Variants in SETBP1 observed in about 807,000 individuals in gnomAD.
The protein encoded by SETBP1 is SET-binding protein.
SETBP1 carries 9 observed loss-of-function variants against 101.0 expected under a neutral mutation model. The ratio of observed to expected loss-of-function variants is 0.09; its 90% CI spans 0.05 to 0.16. The LOEUF (loss-of-function observed/expected upper bound fraction) is 0.16, where lower values mean the gene tolerates loss of function less well. Among genes scored for constraint, SETBP1 ranks in the 10% least tolerant of loss-of-function variants. SETBP1 has a pLI of 1.00. For missense variants in SETBP1, 1,858 were observed against 2,033.8 expected, an observed-to-expected ratio of 0.91 and a Z score of 1.66; for synonymous variants, 818 against 788.5, an observed-to-expected ratio of 1.04 and a Z score of -0.63.
At chr18:44,690,188 T>C (rs75408478) in intron 1 of SETBP1, among the ~76,000 whole-genome samples, 36 of 152,318 alleles carry the variant, frequency 2.4e-4, no homozygotes, top group African/African-American at 8.4e-4. Flanking sequence ...GTTTAATGTA[T>C]AATTGGAGAA....
At chr18:44,886,182 C>G (rs2069643721) in intron 3 of SETBP1, among the ~76,000 whole-genome samples, 1 of 152,158 alleles carries the variant, frequency 6.6e-6, no homozygotes, top group African/African-American at 2.4e-5. Flanking sequence ...GCCAGTGTGT[C>G]TTTGCTACGG....
chr18:44,834,632 T>G (rs990603975), intron 2 of SETBP1, among the ~76,000 whole-genome samples: 30 of 152,182 alleles, frequency 2.0e-4, no homozygotes, highest in African/African-American at 7.0e-4. Context: ...GACCAGTAAA[T>G]GTAATGATTA....
intron 2 of SETBP1, among the ~76,000 whole-genome samples, chr18:44,727,411 C>T (rs189422607): frequency 1.8e-4 from 28 of 152,236 alleles, no homozygotes; most frequent in Non-Finnish European, 8.8e-5. Context: ...TTCACAAAGA[C>T]GCATTCAGAT....
intron 1 of SETBP1, among the ~76,000 whole-genome samples, chr18:44,681,563 C>G (rs2068760660): frequency 7.1e-6 from 1 of 140,664 alleles, no homozygotes; most frequent in Non-Finnish European, 1.5e-5. Context: ...TCCCCCCGCC[C>G]CCCCATCCAG....
intron 2 of SETBP1, among the ~76,000 whole-genome samples, chr18:44,813,044 T>A (rs977652064): frequency 6.6e-6 from 1 of 151,190 alleles, no homozygotes; most frequent in Non-Finnish European, 1.5e-5. Context: ...GGATACAGGA[T>A]GTAAAAAGGT....
Position 44,924,885 on chromosome 18 carries a change from A to G in SETBP1, c.541-24996A>G, listed in dbSNP as rs117799943. On this transcript the variant is annotated intron_variant, in intron 3 of 5. Transcript: ENST00000649279. Reference sequence around the variant, plus strand: ...GTGTTCCCAGATGGTTCAGAAGAGCATAGTCACTTTTCAAGATCAGGGAGA... The same window carrying G: ...GTGTTCCCAGATGGTTCAGAAGAGCGTAGTCACTTTTCAAGATCAGGGAGA... 7.2e-3 allele frequency among the ~76,000 whole-genome samples: 1,091 copies of G among 152,276 alleles called. 6 individuals are homozygous for G. Among genetic ancestry groups the G allele is most frequent in the Non-Finnish European group, 0.012 (824 of 68,020 alleles).
chr18:44,815,598 C>A (rs2071957706), intron 2 of SETBP1, among the ~76,000 whole-genome samples: 1 of 152,160 alleles, frequency 6.6e-6, no homozygotes, highest in African/African-American at 2.4e-5. Flanking sequence ...GCTATTCATG[C>A]ATATAGTGTT....
intron 2 of SETBP1, among the ~76,000 whole-genome samples, chr18:44,811,857 T>C (rs2071868953): frequency 6.6e-6 from 1 of 152,188 alleles, no homozygotes; most frequent in Non-Finnish European, 1.5e-5. Context: ...CTTGAGGTGG[T>C]TGGTCTCAAT....
intron 4 of SETBP1, among the ~76,000 whole-genome samples, chr18:45,013,822 G>T (rs2072889397): frequency 6.6e-6 from 1 of 152,194 alleles, no homozygotes; most frequent in South Asian, 2.1e-4. Flanking sequence ...GAAGTCTGAA[G>T]CTCTGACGGT....
At position 44,797,946 on chromosome 18, in the gene SETBP1, A is replaced by C. The variant is rs1280374362; in HGVS notation, c.487-71284A>C. Among the ~76,000 whole-genome samples the C allele has an allele frequency of 3.9e-5, 6 of 152,146 alleles. No homozygotes were observed. The East Asian group carries it at 9.6e-4, about 24-fold the overall frequency. On this transcript the variant is annotated intron_variant, in intron 2 of 5. Transcript: ENST00000649279. The stretch of plus-strand genomic sequence containing the variant: ...GGTTGTCATAGAGCTTGGCAGGTGG[A>C]TTCATGTTGGGCTTGCTCTTGATGC...
At chr18:44,987,873 G>T (rs561924799) in intron 4 of SETBP1, 1 of 152,262 alleles carries the variant, frequency 6.6e-6, no homozygotes, top group East Asian at 1.9e-4. Flanking sequence ...TCAATCTACA[G>T]TTAGATAGAC....
At chr18:45,062,505 G>C (rs968352407) in intron 5 of SETBP1, among the ~76,000 whole-genome samples, 5 of 152,190 alleles carry the variant, frequency 3.3e-5, no homozygotes, top group Admixed American at 6.5e-5. Flanking sequence ...GAAGGGTTAG[G>C]AATAAAATGG....
At position 44,832,370 on chromosome 18, in the gene SETBP1, A is replaced by G. The variant is rs551356032; in HGVS notation, c.487-36860A>G. ...GAGGTTCTGACTCTGAAGACCTGGC[A>G]GAGCCTGGGAATCTGCATGTTCACT... is the stretch of plus-strand genomic sequence containing the variant. On this transcript the variant is annotated intron_variant, in intron 2 of 5. Transcript: ENST00000649279. 5.3e-5 allele frequency among the ~76,000 whole-genome samples: 8 copies of G among 152,332 alleles called. No homozygotes were observed. The East Asian group carries it at 1.5e-3, about 29-fold the overall frequency.
chr18:45,034,749 G>A (rs1196711868), intron 4 of SETBP1, among the ~76,000 whole-genome samples: 1 of 152,052 alleles, frequency 6.6e-6, no homozygotes, highest in Non-Finnish European at 1.5e-5. Context: ...GGGGTTTAGG[G>A]ATGCTCTGAA....
chr18:44,699,511 C>T (rs369700422), intron 1 of SETBP1, among the ~76,000 whole-genome samples: 25 of 152,300 alleles, frequency 1.6e-4, no homozygotes, highest in African/African-American at 6.0e-4. Flanking sequence ...CATCAAGTGT[C>T]ATCTGGTCTA....
chr18:44,891,213 A>G (rs1318390997), intron 3 of SETBP1, among the ~76,000 whole-genome samples: 3 of 152,100 alleles, frequency 2.0e-5, no homozygotes, highest in Admixed American at 1.3e-4. Flanking sequence ...GCCTGCCTCC[A>G]TGATTCAATT....
At chr18:44,980,449 C>T (rs1434471085) in intron 4 of SETBP1, among the ~76,000 whole-genome samples, 1 of 151,570 alleles carries the variant, frequency 6.6e-6, no homozygotes, top group Admixed American at 6.6e-5. Context: ...CATCCAGCCC[C>T]AAGTAGTTTC....
chr18:44,854,733 C>T (rs1354848804), intron 2 of SETBP1, among the ~76,000 whole-genome samples: 1 of 152,204 alleles, frequency 6.6e-6, no homozygotes, highest in African/African-American at 2.4e-5. Flanking sequence ...AGCCAGTGGG[C>T]ACTTTTTTTC....
At chr18:44,818,431 G>A (rs79361274) in intron 2 of SETBP1, among the ~76,000 whole-genome samples, 5,012 of 152,172 alleles carry the variant, frequency 0.033, 269 homozygotes, top group African/African-American at 0.11. Context: ...GACTCCCAGC[G>A]GAGTGTGCCT....
Sources: gnomAD v4.1 joint callset for allele counts (sites outside exome capture counted in the v4.1 genomes callset) on GRCh38, gnomAD v4.1.1 for gene constraint, MANE v1.5 for transcripts, NCBI Gene and HGNC (gene_info 2026-07-23, HGNC 2026-07-21) for gene names.